The following SLC25A26 variants were observed in gnomAD, a reference collection of about 807,000 sequenced individuals.
SLC25A26 encodes the protein solute carrier family 25 member 26, also known as mitochondrial S-adenosylmethionine carrier protein.
A neutral mutation model predicts 37.8 loss-of-function variants in SLC25A26; 36 were observed. The observed-to-expected ratio is 0.95, with a 90% CI of 0.73 to 1.26. The LOEUF is 1.26. Among genes scored for constraint, SLC25A26 ranks in the 50% most tolerant of loss-of-function variants. The pLI is 0.00. For synonymous variants in SLC25A26, 129 were observed against 122.5 expected (o/e 1.05, Z -0.35); for missense variants, 390 against 331.1 (o/e 1.18, Z -1.38).
chr3:66,343,001 C>G (rs2076243816), intron 5 of SLC25A26, among the ~76,000 whole-genome samples: 2 of 152,170 alleles, frequency 1.3e-5, no homozygotes, highest in African/African-American at 2.4e-5. Flanking sequence ...TATAAGAGCT[C>G]TGAGTGCAGC....
At position 66,147,195 on chromosome 3, in the gene SLC25A26, G is replaced by T. The variant is rs182408144; in HGVS notation, c.-354+13211G>T. Among the ~76,000 whole-genome samples, 73 of 147,592 alleles carry T rather than the reference G, an allele frequency of 4.9e-4. No individual in the cohort carries two copies. The East Asian group carries it at 6.1e-3, about 12-fold the overall frequency. On this transcript the variant is annotated intron_variant, in intron 1 of 10. Transcript: ENST00000676754. The stretch of plus-strand genomic sequence containing the variant: ...TTTCTTTTTTTCAGAACAGAGTCTT[G>T]CTCTGTCTCCCAGGCTAGAGTACAG...
At chr3:66,302,892 C>G (rs1357043419) in intron 5 of SLC25A26, among the ~76,000 whole-genome samples, 2 of 152,162 alleles carry the variant, frequency 1.3e-5, no homozygotes, top group Non-Finnish European at 2.9e-5. Context: ...TGTTCAGTGT[C>G]TCAGTGCTAG....
chr3:66,373,608 A>C (rs1700471510), intron 9 of SLC25A26, among the ~76,000 whole-genome samples: 2 of 151,804 alleles, frequency 1.3e-5, no homozygotes, highest in Non-Finnish European at 2.9e-5. Context: ...TCTGTCTTTC[A>C]GGCAGGAAGG....
In SLC25A26 at chr3:66,336,483, G is replaced by A. The variant is rs551612501; in HGVS notation, c.454-9881G>A. On this transcript the variant is annotated intron_variant, in intron 5 of 9. Coordinates refer to ENST00000354883, the MANE Select transcript of SLC25A26 (RefSeq NM_001379210.1). Reference sequence around the variant, plus strand: ...GGATTATATTTGATAAAAGATTAAAGTTGCATGCAAATTCTAACTAAAAAC... The same window carrying A: ...GGATTATATTTGATAAAAGATTAAAATTGCATGCAAATTCTAACTAAAAAC... Among the ~76,000 whole-genome samples the A allele has an allele frequency of 1.2e-4, 18 of 152,280 alleles. No individual in the cohort carries two copies. In the East Asian group the frequency reaches 3.5e-3, roughly 29 times the overall value.
At chr3:66,276,648 T>G (rs2074158688) in intron 5 of SLC25A26, among the ~76,000 whole-genome samples, 1 of 152,068 alleles carries the variant, frequency 6.6e-6, no homozygotes, top group Admixed American at 6.6e-5. Flanking sequence ...TTGTTCCCTG[T>G]GCTGCATCAT....
At chr3:66,193,959 G>C (rs923712974) in intron 1 of SLC25A26, among the ~76,000 whole-genome samples, 4 of 152,172 alleles carry the variant, frequency 2.6e-5, no homozygotes, top group African/African-American at 7.2e-5. Flanking sequence ...GGTCAACTGA[G>C]CGTGCCTCAA....
At chr3:66,163,233 G>A (rs1403923424) in intron 1 of SLC25A26, among the ~76,000 whole-genome samples, 2 of 152,188 alleles carry the variant, frequency 1.3e-5, no homozygotes, top group Non-Finnish European at 2.9e-5. Flanking sequence ...GACAAACCAC[G>A]TTCCATATGC....
chr3:66,376,382 C>T (rs1307304576), intron 9 of SLC25A26, among the ~76,000 whole-genome samples: 1 of 149,338 alleles, frequency 6.7e-6, no homozygotes, highest in African/African-American at 2.6e-5. Flanking sequence ...AAAGAAGAGT[C>T]CATCAATGCA....
chr3:66,156,034 G>T (rs1158705471), intron 1 of SLC25A26, among the ~76,000 whole-genome samples: 1 of 152,172 alleles, frequency 6.6e-6, no homozygotes, highest in Non-Finnish European at 1.5e-5. Flanking sequence ...ACAAGTAGAT[G>T]ATGTTGGGGA....
rs181699168 is a variant in SLC25A26, at chr3:66,291,350, G to A, written c.453+27971G>A. On this transcript the variant is annotated intron_variant, in intron 5 of 9. Coordinates refer to ENST00000354883, the MANE Select transcript of SLC25A26 (RefSeq NM_001379210.1). ...TAGTTATTTCTTGTCTTCTGCTAGCGTTTGAATTTGTTTGCTCTTCTCTAG... is the reference window on the plus strand; with the variant it reads ...TAGTTATTTCTTGTCTTCTGCTAGCATTTGAATTTGTTTGCTCTTCTCTAG... Among the ~76,000 whole-genome samples, 614 of 151,916 alleles carry A rather than the reference G, an allele frequency of 4.0e-3. 5 individuals carry two copies. The highest frequency in any genetic ancestry group is 5.0e-3 in the Non-Finnish European group (341 of 67,900).
chr3:66,314,500 C>T (rs112316670), intron 5 of SLC25A26, among the ~76,000 whole-genome samples: 1,621 of 152,150 alleles, frequency 0.011, 27 homozygotes, highest in African/African-American at 0.036. Flanking sequence ...TTTTGATGTG[C>T]TGCTGTATTC....
Position 66,311,529 on chromosome 3 carries a change from C to A in SLC25A26, c.454-34835C>A, listed in dbSNP as rs1009492334. 3.9e-5 allele frequency among the ~76,000 whole-genome samples: 6 copies of A among 151,916 alleles called. No individual in the cohort carries two copies. The South Asian group carries it at 1.2e-3, about 32-fold the overall frequency. On this transcript the variant is annotated intron_variant, in intron 5 of 9. Transcript: ENST00000354883. Reference sequence around the variant, plus strand: ...ACTCATTTTCTGCCCAGTTTTGTTCCCTTGCTGGTGAGGAGTTGTGATCGT... The same window carrying A: ...ACTCATTTTCTGCCCAGTTTTGTTCACTTGCTGGTGAGGAGTTGTGATCGT...
At chr3:66,227,531 A>G (rs980638588) in intron 1 of SLC25A26, among the ~76,000 whole-genome samples, 1 of 152,204 alleles carries the variant, frequency 6.6e-6, no homozygotes, top group African/African-American at 2.4e-5. Context: ...TTTACACTTT[A>G]TCCAGTTACT....
chr3:66,173,473 A>G (rs1307897529), intron 1 of SLC25A26, among the ~76,000 whole-genome samples: 1 of 152,164 alleles, frequency 6.6e-6, no homozygotes, highest in East Asian at 1.9e-4. Context: ...CCAGGTTCAT[A>G]AGCCGGGAGT....
intron 1 of SLC25A26, among the ~76,000 whole-genome samples, chr3:66,231,316 G>A (rs1311613804): frequency 1.3e-5 from 2 of 152,092 alleles, no homozygotes; most frequent in African/African-American, 2.4e-5. Context: ...CTTAGTTACC[G>A]TTTGCTGAGT....
At chr3:66,167,381 G>T (rs1203390094) in intron 1 of SLC25A26, among the ~76,000 whole-genome samples, 1 of 152,186 alleles carries the variant, frequency 6.6e-6, no homozygotes, top group East Asian at 1.9e-4. Flanking sequence ...CAGAAAAAAT[G>T]AAGCCAAGAC....
chr3:66,164,562 G>A (rs1249104528), intron 1 of SLC25A26, among the ~76,000 whole-genome samples: 1 of 152,096 alleles, frequency 6.6e-6, no homozygotes, highest in African/African-American at 2.4e-5. Context: ...ACCATTAAGG[G>A]CAAGTTTAAA....
chr3:66,180,117 G>A (rs36149310), intron 1 of SLC25A26, among the ~76,000 whole-genome samples: 117,928 of 152,134 alleles, frequency 0.78, 46,212 homozygotes, highest in South Asian at 0.86. Context: ...TCTCTGTGAA[G>A]TAGGATTCAA....
chr3:66,331,044 CTTCTT>C (rs760946650), intron 5 of SLC25A26, among the ~76,000 whole-genome samples: 1 of 151,928 alleles, frequency 6.6e-6, no homozygotes, highest in African/African-American at 2.4e-5. Flanking sequence ...GAAACTATCT[CTTCTT>C]TTAAGAGAGC....
Sources: allele counts gnomAD v4.1 joint callset (sites outside exome capture counted in the v4.1 genomes callset), GRCh38; gene constraint gnomAD v4.1.1; transcripts MANE v1.5; gene names NCBI Gene and HGNC (gene_info 2026-07-23, HGNC 2026-07-21).